Variants in ANO1 observed in about 807,000 individuals in gnomAD.
ANO1 encodes the protein anoctamin 1.
ANO1 carries 59 observed loss-of-function variants against 124.0 expected under a neutral mutation model. The ratio of observed to expected loss-of-function variants is 0.48; its 90% CI spans 0.39 to 0.59. ANO1 has a LOEUF of 0.59. Among genes scored for constraint, ANO1 ranks in the 20% least tolerant of loss-of-function variants. ANO1 has a pLI of 0.00. For missense variants in ANO1, 1,059 were observed against 1,328.0 expected (o/e 0.80, Z 3.15); for synonymous variants, 529 against 532.0 (o/e 0.99, Z 0.08).
At chr11:70,104,331 A>C (rs1315643446) in intron 4 of ANO1, among the ~76,000 whole-genome samples, 181 bp downstream of exon 4, 1 of 152,158 alleles carries the variant, frequency 6.6e-6, no homozygotes, top group East Asian at 1.9e-4. Context: ...CCGTTAACTG[A>C]TGAGTTAGGG....
intron 1 of ANO1, among the ~76,000 whole-genome samples, chr11:70,038,969 G>C (rs1334995924): frequency 1.3e-5 from 2 of 152,128 alleles, no homozygotes; most frequent in African/African-American, 4.8e-5. Flanking sequence ...GAGAAAAAAT[G>C]GAAGAGAGAA....
At chr11:70,165,612 A>C in intron 20 of ANO1, 42 bp downstream of exon 20, 17 of 1,540,878 alleles carry the variant, frequency 1.1e-5, no homozygotes, top group Non-Finnish European at 1.5e-5. Flanking sequence ...GGGCGGGGCC[A>C]GGCGGAGGGG....
Position 70,006,893 on chromosome 11 carries a change from C to A in ANO1, c.58+20727C>A, listed in dbSNP as rs190246692. ...CCACGTTGGCCAGGCTGGTCTCGAA[C>A]TCCTGACTTCAGGTGATCCGCCCGC... On this transcript the variant is annotated intron_variant, in intron 1 of 27. Transcript: ENST00000531349. Among the ~76,000 whole-genome samples the A allele has an allele frequency of 1.2e-4, 19 of 152,176 alleles. 1 individual carries two copies. The highest frequency in any genetic ancestry group is 1.0e-3 in the Admixed American group (16 of 15,290).
intron 8 of ANO1, among the ~76,000 whole-genome samples, chr11:70,120,054 C>T (rs962180313): frequency 3.9e-5 from 6 of 152,128 alleles, no homozygotes; most frequent in Admixed American, 1.3e-4. Context: ...TGACAGACTC[C>T]ATGGCTTCTC....
intron 22 of ANO1, among the ~76,000 whole-genome samples, chr11:70,171,775 T>C (rs1208027678): frequency 2.0e-5 from 3 of 152,162 alleles, no homozygotes; most frequent in Non-Finnish European, 4.4e-5. Flanking sequence ...AAGACCAGCC[T>C]AGGCAACATG....
intron 11 of ANO1, among the ~76,000 whole-genome samples, chr11:70,147,192 A>G (rs550292909): frequency 5.6e-4 from 85 of 152,364 alleles, no homozygotes; most frequent in African/African-American, 1.9e-3. Flanking sequence ...GAGGACAGAA[A>G]GAGGCAGCTC....
chr11:70,015,455 G>A (rs1380643979), intron 1 of ANO1, among the ~76,000 whole-genome samples: 6 of 152,246 alleles, frequency 3.9e-5, no homozygotes, highest in East Asian at 1.9e-4. Context: ...GTCACCCGGC[G>A]TGCTCACTCA....
chr11:69,974,785 C>T, the ANO1 span, among the ~76,000 whole-genome samples: 7 of 151,920 alleles, frequency 4.6e-5, no homozygotes, highest in African/African-American at 1.2e-4. Context: ...AGCAGCCTTC[C>T]GGGCAGGAGA....
rs777037795 is a variant in ANO1 at position 70,116,491 on chromosome 11, G to A, written c.889G>A (p.Asp297Asn). ...DYNGENVEFN[D>N]RKLLYEEWAR... ...CAACGGTGAAAACGTCGAGTTCAAC[G>A]ACAGAAAAGTAAGTTGATGGAGCGG... The change falls in exon 8 of 26, where the codon GAC becomes AAC. Residue 297 changes from aspartate to asparagine, a missense_variant. Asp to Asn is a conservative substitution (Grantham distance 23, BLOSUM62 1). Coordinates refer to ENST00000355303, the MANE Select transcript of ANO1 (RefSeq NM_018043.7). The A allele has an allele frequency of 1.3e-6, 2 of 1,596,644 alleles. No homozygotes were observed. The highest frequency in any genetic ancestry group is 1.7e-5 in the Admixed American group (1 of 57,362).
At chr11:69,979,256 T>C in the ANO1 span, among the ~76,000 whole-genome samples, 2 of 152,226 alleles carry the variant, frequency 1.3e-5, no homozygotes, top group African/African-American at 4.8e-5. Context: ...TTTTTGCTCC[T>C]GGTAATAACA....
At chr11:70,043,292 CAG>C (rs1266815481) in intron 1 of ANO1, among the ~76,000 whole-genome samples, 2 of 151,904 alleles carry the variant, frequency 1.3e-5, no homozygotes, top group East Asian at 1.9e-4. Context: ...AAATAAAACA[CAG>C]AGAGAAAAAA....
chr11:70,144,426 TAAC>T (rs2047275671), intron 11 of ANO1, among the ~76,000 whole-genome samples: 1 of 152,212 alleles, frequency 6.6e-6, no homozygotes, highest in South Asian at 2.1e-4. Context: ...CAGGCACTGG[TAAC>T]AAGCCCATTT....
In ANO1 at chr11:70,116,470, G is replaced by A. The variant is rs755015798; in HGVS notation, c.868G>A (p.Gly290Ser). 2.3e-5 allele frequency: 37 copies of A among 1,599,374 alleles called. No homozygotes were observed. The highest frequency in any genetic ancestry group is 6.8e-5 in the South Asian group (6 of 88,226). The change falls in exon 8 of 26, where the codon GGT (glycine) becomes AGT (serine). Residue 290 changes from glycine to serine, a missense_variant. By Grantham distance (56) the Gly-to-Ser change is moderately conservative. Around this residue, in one of 2 missense-constraint regions of ANO1, gnomAD observed 809 missense variants for 1,094.9 expected, o/e 0.74. Coordinates refer to ENST00000355303, the MANE Select transcript of ANO1 (RefSeq NM_018043.7). ...CTTTTTTTAACAGGGAGACTACAAC[G>A]GTGAAAACGTCGAGTTCAACGACAG... ...AYPLHDGDYN[G>S]ENVEFNDRKL...
chr11:70,174,799 C>A (rs371642460), intron 22 of ANO1, among the ~76,000 whole-genome samples: 23 of 152,260 alleles, frequency 1.5e-4, no homozygotes, highest in African/African-American at 5.5e-4. Context: ...CAAAAGGGGA[C>A]CCTGGGTCTG....
chr11:70,019,694 A>T (rs1555002438), intron 1 of ANO1, among the ~76,000 whole-genome samples: 1 of 152,230 alleles, frequency 6.6e-6, no homozygotes, highest in East Asian at 1.9e-4. Context: ...TCCAAGGGCC[A>T]GTTTACCCAC....
intron 2 of ANO1, among the ~76,000 whole-genome samples, chr11:70,098,292 C>T (rs571317759): frequency 1.3e-5 from 2 of 152,296 alleles, no homozygotes; most frequent in African/African-American, 2.4e-5. Context: ...CGAGGGCCTT[C>T]GGGCCCAAAC....
chr11:70,089,048 C>A (rs759189784), intron 2 of ANO1, among the ~76,000 whole-genome samples: 2 of 152,202 alleles, frequency 1.3e-5, no homozygotes, highest in Non-Finnish European at 2.9e-5. Context: ...AGCGGTGCTT[C>A]CTTCAGCGGC....
At chr11:69,980,387 G>A in the ANO1 span, among the ~76,000 whole-genome samples, 2 of 152,144 alleles carry the variant, frequency 1.3e-5, no homozygotes, top group African/African-American at 2.4e-5. Flanking sequence ...ACTTTGGGAG[G>A]TCAAGGCGGG....
intron 1 of ANO1, among the ~76,000 whole-genome samples, chr11:70,078,946 C>A (rs976287003): frequency 6.6e-6 from 1 of 151,904 alleles, no homozygotes; most frequent in Admixed American, 6.5e-5. Context: ...GCGCCCACTC[C>A]GCCCAGCGCA....
Sources: allele counts gnomAD v4.1 joint callset (sites outside exome capture counted in the v4.1 genomes callset), GRCh38; gene constraint gnomAD v4.1.1; regional missense constraint gnomAD v4.1.1; transcripts MANE v1.5; gene names NCBI Gene and HGNC (gene_info 2026-07-23, HGNC 2026-07-21).